The following ITGA8 variants were observed in gnomAD, a reference collection of about 807,000 sequenced individuals.
ITGA8 encodes integrin subunit alpha 8, also known as integrin alpha-8.
A neutral mutation model predicts 142.3 loss-of-function variants in ITGA8; 91 were observed. The ratio of observed to expected loss-of-function variants is 0.64; its 90% CI spans 0.54 to 0.76. The LOEUF is 0.76. ITGA8 is among the 30% of genes least tolerant of loss of function. The pLI is 0.00. For missense variants in ITGA8, 1,406 were observed against 1,327.7 expected, an observed-to-expected ratio of 1.06 and a Z score of -0.92; for synonymous variants, 505 against 485.2, an observed-to-expected ratio of 1.04 and a Z score of -0.54.
intron 27 of ITGA8, among the ~76,000 whole-genome samples, chr10:15,547,360 C>T (rs1329343412): frequency 6.6e-6 from 1 of 152,120 alleles, no homozygotes; most frequent in African/African-American, 2.4e-5. Context: ...TCAGTCGAGG[C>T]CAGGAGTTTG....
intron 21 of ITGA8, among the ~76,000 whole-genome samples, chr10:15,594,005 C>T (rs1443678046): frequency 2.1e-4 from 32 of 151,964 alleles, no homozygotes. Context: ...CCACACCCAG[C>T]AATTTTTTGT....
intron 23 of ITGA8, 129 bp downstream of exon 23, chr10:15,586,455 G>A: frequency 1.7e-6 from 1 of 599,570 alleles, no homozygotes. Context: ...GTAGAAAAGA[G>A]TGAAAATTAA....
chr10:15,533,893 C>G (rs891273320), intron 27 of ITGA8, among the ~76,000 whole-genome samples: 1 of 151,134 alleles, frequency 6.6e-6, no homozygotes, highest in Non-Finnish European at 1.5e-5. Flanking sequence ...CTCATATTTT[C>G]CATTCATCAC....
At chr10:15,640,386 G>A (rs1166721068) in intron 13 of ITGA8, among the ~76,000 whole-genome samples, 1 of 152,166 alleles carries the variant, frequency 6.6e-6, no homozygotes, top group Non-Finnish European at 1.5e-5. Context: ...TCGCTCTCAG[G>A]TGTATTTACT....
At chr10:15,536,341 AG>A (rs2131547316) in intron 27 of ITGA8, among the ~76,000 whole-genome samples, 1 of 152,306 alleles carries the variant, frequency 6.6e-6, no homozygotes, top group African/African-American at 2.4e-5. Context: ...TGGAGCTCCA[AG>A]GAATGGAAAA....
chr10:15,593,670 C>T (rs1034792474), intron 21 of ITGA8, among the ~76,000 whole-genome samples: 5 of 152,104 alleles, frequency 3.3e-5, no homozygotes, highest in Admixed American at 6.5e-5. Flanking sequence ...CAGCCCTTGC[C>T]GAATGTGCTT....
intron 27 of ITGA8, 71 bp downstream of exon 27, chr10:15,548,384 A>G: frequency 1.9e-6 from 2 of 1,041,370 alleles, no homozygotes; most frequent in Non-Finnish European, 2.9e-6. Flanking sequence ...CTATGAAAAG[A>G]CTTCCCACTG....
At chr10:15,669,500 A>C (rs1483222284) in intron 8 of ITGA8, among the ~76,000 whole-genome samples, 1 of 152,102 alleles carries the variant, frequency 6.6e-6, no homozygotes, top group East Asian at 1.9e-4. Flanking sequence ...TGATCTTCTG[A>C]AGCCTTCTTC....
chr10:15,530,439 G>A (rs985678013), intron 28 of ITGA8, among the ~76,000 whole-genome samples: 2 of 149,934 alleles, frequency 1.3e-5, no homozygotes, highest in African/African-American at 4.9e-5. Flanking sequence ...CTAGCTACTC[G>A]GGAGGCTGAG....
At chr10:15,586,758 C>T (rs1832839977) in intron 22 of ITGA8, 94 bp from the exon 23 acceptor site, 1 of 722,242 alleles carries the variant, frequency 1.4e-6, no homozygotes, top group Non-Finnish European at 2.5e-6. Context: ...CACAGGAGAA[C>T]ACACGTTACT....
intron 6 of ITGA8, among the ~76,000 whole-genome samples, chr10:15,674,105 G>A (rs769855213): frequency 3.3e-5 from 5 of 152,128 alleles, no homozygotes; most frequent in Non-Finnish European, 7.3e-5. Flanking sequence ...GAATGAAACT[G>A]TCAAACTAGA....
intron 25 of ITGA8, among the ~76,000 whole-genome samples, chr10:15,569,745 T>G (rs1416151608): frequency 6.6e-6 from 1 of 152,192 alleles, no homozygotes; most frequent in Non-Finnish European, 1.5e-5. Context: ...CAATTCATTT[T>G]CATGCTAATT....
At chr10:15,682,811 A>G (rs1350338429) in intron 4 of ITGA8, among the ~76,000 whole-genome samples, 4 of 149,934 alleles carry the variant, frequency 2.7e-5, no homozygotes, top group Non-Finnish European at 5.9e-5. Context: ...TGATCATCAC[A>G]CTATTGCACT....
rs1834201733 is a variant in ITGA8, at chr10:15,572,353, G to T, written c.2495C>A (p.Pro832Gln). Residue 832 changes from proline (P) to glutamine (Q), a missense_variant, in exon 25 of 30, where the codon CCA becomes CAA. Pro to Gln is a moderately conservative substitution (Grantham distance 76). Coordinates refer to ENST00000378076, the MANE Select transcript of ITGA8 (RefSeq NM_003638.3). ...EHIYELHNIG[P>Q]STISDTILEV... ...CAGGATGGTGTCACTGATGGTACTTGGTCCAATATTGTGCAGCTGTAAACA... is the reference window on the plus strand; with the variant it reads ...CAGGATGGTGTCACTGATGGTACTTTGTCCAATATTGTGCAGCTGTAAACA... The T allele has an allele frequency of 6.2e-7, 1 of 1,613,806 alleles. No homozygotes were observed. The highest frequency in any genetic ancestry group is 1.1e-5 in the South Asian group (1 of 91,050).
rs552717875 is a variant in ITGA8 at position 15,533,718 on chromosome 10, G to A, written c.2881-2567C>T. Among the ~76,000 whole-genome samples the A allele has an allele frequency of 1.2e-4, 19 of 152,276 alleles. No homozygotes were observed. The South Asian group carries it at 3.5e-3, about 28-fold the overall frequency. On this transcript the variant is annotated intron_variant, in intron 27 of 29. Coordinates refer to ENST00000378076, the MANE Select transcript of ITGA8 (RefSeq NM_003638.3). The stretch of plus-strand genomic sequence containing the variant: ...GCATCAAAATCTTTCTAGATGGAAC[G>A]CTTTTCTCTTACAGATTCTGCATTT...
intron 28 of ITGA8, among the ~76,000 whole-genome samples, chr10:15,521,694 A>G (rs563574039): frequency 6.6e-6 from 1 of 152,320 alleles, no homozygotes; most frequent in South Asian, 2.1e-4. Context: ...AGTGTGAAGC[A>G]TGACAGTCCA....
At chr10:15,574,686 G>T (rs1834250200) in intron 24 of ITGA8, among the ~76,000 whole-genome samples, 2 of 149,630 alleles carry the variant, frequency 1.3e-5, no homozygotes, top group Admixed American at 1.3e-4. Context: ...ACCACACCCG[G>T]GCGCTTTTAT....
chr10:15,639,574 G>T (rs1188818862), intron 13 of ITGA8, among the ~76,000 whole-genome samples: 1 of 152,206 alleles, frequency 6.6e-6, no homozygotes, highest in Non-Finnish European at 1.5e-5. Flanking sequence ...AGCAGTAAGG[G>T]CCGCACCTTA....
In ITGA8 at chr10:15,638,791, A is replaced by T. The variant is rs138824945; in HGVS notation, c.1399+5239T>A. Among the ~76,000 whole-genome samples the T allele has an allele frequency of 3.8e-4, 58 of 152,272 alleles. No homozygotes were observed. The East Asian group carries it at 0.011, about 29-fold the overall frequency. The stretch of plus-strand genomic sequence containing the variant: ...GTTTCTGATCTACTTAGAATGGAGA[A>T]TTTGAAACAGGGCAGCTGAACGCCT... On this transcript the variant is annotated intron_variant, in intron 13 of 29. Transcript: ENST00000378076.
Sources: gnomAD v4.1 joint callset for allele counts (sites outside exome capture counted in the v4.1 genomes callset) on GRCh38, gnomAD v4.1.1 for gene constraint, MANE v1.5 for transcripts, NCBI Gene and HGNC (gene_info 2026-07-23, HGNC 2026-07-21) for gene names.